Variants in ADARB2 observed in about 807,000 individuals in gnomAD.
ADARB2 encodes the protein inactive double-stranded RNA-specific editase B2.
A neutral mutation model predicts 62.2 loss-of-function variants in ADARB2; 25 were observed. That is an observed-to-expected ratio of 0.40 (90% CI 0.29 to 0.56). The LOEUF (loss-of-function observed/expected upper bound fraction) is 0.56, where lower values mean the gene tolerates loss of function less well. ADARB2 is among the 20% of genes least tolerant of loss of function. ADARB2 has a pLI of 0.43. For missense variants in ADARB2, 1,071 were observed against 1,077.4 expected (o/e 0.99, Z 0.08); for synonymous variants, 572 against 500.8 (o/e 1.14, Z -1.90).
intron 7 of ADARB2, among the ~76,000 whole-genome samples, chr10:1,210,620 G>A (rs1246802229): frequency 1.3e-5 from 2 of 152,190 alleles, no homozygotes; most frequent in Non-Finnish European, 2.9e-5. Flanking sequence ...CAGTTCCCAG[G>A]GCATCATCAA....
chr10:1,230,486 T>C (rs1002107539), intron 6 of ADARB2, among the ~76,000 whole-genome samples: 1 of 152,176 alleles, frequency 6.6e-6, no homozygotes, highest in African/African-American at 2.4e-5. Context: ...TCCAACCCTC[T>C]TTAAAGGGTA....
At position 1,217,489 on chromosome 10, in the gene ADARB2, C is replaced by T. The variant is rs78630157; in HGVS notation, c.1514-370G>A. 3.0e-3 allele frequency among the ~76,000 whole-genome samples: 457 copies of T among 152,318 alleles called. 4 individuals carry two copies. Among genetic ancestry groups the T allele is most frequent in the East Asian group, 0.029 (149 of 5,178 alleles). ...TCATTTACAGATGCAGACTTGAACA[C>T]GCAGTTGGACGTGTCGTTTTCAGAG... On this transcript the variant is annotated intron_variant, in intron 6 of 9. Coordinates refer to ENST00000381312, the MANE Select transcript of ADARB2 (RefSeq NM_018702.4).
rs1022141602 is a variant in ADARB2, at chr10:1,255,132, G to A, written c.1193-12833C>T. 6.6e-6 allele frequency among the ~76,000 whole-genome samples: 1 copy of A among 152,260 alleles called. No individual in the cohort carries two copies. The highest frequency in any genetic ancestry group is 6.5e-5 in the Admixed American group (1 of 15,288). ...CAGCCCCAGTGAGGGAGCAAGCGGG[G>A]CCAATGCTCTGAGCTCCTCATGGGG... On this transcript the variant is annotated intron_variant, in intron 4 of 9. Transcript: ENST00000381312. The surrounding 1 kb of genome is among the most constrained non-coding windows in gnomAD (Gnocchi z 4.7).
chr10:1,251,135 G>A (rs77380479), intron 4 of ADARB2, among the ~76,000 whole-genome samples: 3,255 of 152,204 alleles, frequency 0.021, 106 homozygotes, highest in African/African-American at 0.07. Context: ...GTATTTGAAT[G>A]TTTACAGCAT....
intron 1 of ADARB2, among the ~76,000 whole-genome samples, chr10:1,539,888 G>A (rs929005100): frequency 1.3e-5 from 2 of 152,182 alleles, no homozygotes; most frequent in African/African-American, 4.8e-5. Flanking sequence ...AAGAGGTATT[G>A]GGTCGGAAGT....
intron 1 of ADARB2, among the ~76,000 whole-genome samples, chr10:1,725,053 A>G (rs1835146526): frequency 6.6e-6 from 1 of 152,214 alleles, no homozygotes; most frequent in Non-Finnish European, 1.5e-5. Context: ...ACAATCAGTT[A>G]AACAGACGCA....
chr10:1,289,037 C>G (rs376751232), intron 3 of ADARB2, among the ~76,000 whole-genome samples: 1 of 152,142 alleles, frequency 6.6e-6, no homozygotes, highest in Admixed American at 6.5e-5. Context: ...AGCCAACCAG[C>G]CTTAACATCA....
chr10:1,376,504 G>A lies in ADARB2; in HGVS notation c.187+2570C>T, dbSNP rs180866551. On this transcript the variant is annotated intron_variant, in intron 2 of 9. Transcript: ENST00000381312. ...TCTCCTCTCCTCACTGCCCAGTGTG[G>A]GGGTTCTTATGGGAGGGCAGGGGGA... Among the ~76,000 whole-genome samples the A allele has an allele frequency of 5.3e-5, 8 of 152,316 alleles. No homozygotes were observed. The East Asian group carries it at 1.2e-3, about 22-fold the overall frequency.
intron 1 of ADARB2, among the ~76,000 whole-genome samples, chr10:1,432,990 G>A (rs1830792574): frequency 6.6e-6 from 1 of 151,972 alleles, no homozygotes; most frequent in South Asian, 2.1e-4. Flanking sequence ...AGATGAACCT[G>A]GCTGATATAC....
Position 1,370,781 on chromosome 10 carries a change from A to G in ADARB2, c.188-6864T>C, listed in dbSNP as rs114765900. On this transcript the variant is annotated intron_variant, in intron 2 of 9. Coordinates refer to ENST00000381312, the MANE Select transcript of ADARB2 (RefSeq NM_018702.4). ...GAAGATAGCTACAAGGAGAGCTACA[A>G]AACACTGATGAAAGAAATTGTAGAC... is the stretch of plus-strand genomic sequence containing the variant. Among the ~76,000 whole-genome samples the G allele has an allele frequency of 9.5e-3, 1,441 of 152,356 alleles. 31 individuals are homozygous for G. The highest frequency in any genetic ancestry group is 0.032 in the African/African-American group (1,347 of 41,582).
chr10:1,349,755 T>A (rs571297307), intron 3 of ADARB2, among the ~76,000 whole-genome samples: 4 of 152,300 alleles, frequency 2.6e-5, no homozygotes. Flanking sequence ...GGTCACGGAC[T>A]TGGGAAGGCA....
At chr10:1,386,250 AAG>A (rs763865222) in intron 1 of ADARB2, among the ~76,000 whole-genome samples, 25 of 152,126 alleles carry the variant, frequency 1.6e-4, no homozygotes, top group Non-Finnish European at 3.4e-4. Flanking sequence ...AAGGCAAAGA[AAG>A]AGAAACAAAA....
intron 1 of ADARB2, among the ~76,000 whole-genome samples, chr10:1,727,503 C>T (rs1259727976): frequency 6.6e-6 from 1 of 152,088 alleles, no homozygotes; most frequent in Non-Finnish European, 1.5e-5. Context: ...TACAAAAACG[C>T]AATCAGTTTT....
intron 6 of ADARB2, among the ~76,000 whole-genome samples, chr10:1,226,627 C>T (rs1381618872): frequency 1.3e-5 from 2 of 152,222 alleles, no homozygotes; most frequent in South Asian, 2.1e-4. Context: ...TTCCTTCTAA[C>T]AGTCAGGACC....
At chr10:1,487,271 T>C (rs2131928973) in intron 1 of ADARB2, among the ~76,000 whole-genome samples, 1 of 152,370 alleles carries the variant, frequency 6.6e-6, no homozygotes, top group African/African-American at 2.4e-5. Context: ...GGAACCCCAG[T>C]AACATTTAAA....
intron 1 of ADARB2, among the ~76,000 whole-genome samples, chr10:1,401,658 T>C (rs1832664194): frequency 6.6e-6 from 1 of 152,222 alleles, no homozygotes; most frequent in Non-Finnish European, 1.5e-5. Context: ...TCCCCATTTC[T>C]ACCGAAGAGC....
intron 1 of ADARB2, chr10:1,678,196 ACCTCAGGGTGAGTGG>A (rs1834490991): frequency 4.1e-6 from 4 of 985,322 alleles, no homozygotes; most frequent in Non-Finnish European, 4.8e-6. Context: ...ATGCCACAGG[ACCTCAGGGTGAGTGG>A]CCTCAGGGTG....
intron 3 of ADARB2, among the ~76,000 whole-genome samples, chr10:1,277,163 T>C (rs1589174955): frequency 6.6e-6 from 1 of 152,176 alleles, no homozygotes; most frequent in Non-Finnish European, 1.5e-5. Flanking sequence ...AGGAAAGATC[T>C]GAAATTGACA....
intron 1 of ADARB2, among the ~76,000 whole-genome samples, chr10:1,615,228 G>A (rs929506911): frequency 1.1e-4 from 17 of 152,214 alleles, no homozygotes; most frequent in Non-Finnish European, 2.2e-4. Context: ...CTGCCTCCAG[G>A]TTCACTCTCC....
Sources: allele counts gnomAD v4.1 joint callset (sites outside exome capture counted in the v4.1 genomes callset), GRCh38; gene constraint gnomAD v4.1.1; non-coding constraint Gnocchi (gnomAD v3.1); transcripts MANE v1.5; gene names NCBI Gene and HGNC (gene_info 2026-07-23, HGNC 2026-07-21).